PANX1: variants seen among roughly 807,000 people sequenced by gnomAD.
The protein encoded by PANX1 is pannexin-1.
A neutral mutation model predicts 38.7 loss-of-function variants in PANX1; 30 were observed. That is an observed-to-expected ratio of 0.78 (90% CI 0.58 to 1.05). The LOEUF is 1.05. Among genes scored for constraint, PANX1 ranks in the 50% least tolerant of loss-of-function variants. The pLI is 0.00. For synonymous variants in PANX1, 230 were observed against 212.2 expected (o/e 1.08, Z -0.73); for missense variants, 551 against 517.2 (o/e 1.07, Z -0.63).
intron 1 of PANX1, among the ~76,000 whole-genome samples, chr11:94,135,202 C>T (rs908757418): frequency 6.6e-6 from 1 of 152,196 alleles, no homozygotes; most frequent in Non-Finnish European, 1.5e-5. Flanking sequence ...CCCTGCCTCC[C>T]TCACCCACTG....
At chr11:94,146,658 A>G (rs1349449582) in intron 1 of PANX1, among the ~76,000 whole-genome samples, 1 of 152,238 alleles carries the variant, frequency 6.6e-6, no homozygotes, top group Non-Finnish European at 1.5e-5. Context: ...AGTTTGGAGA[A>G]ACAATCAGAC....
At chr11:94,158,610 C>G (rs959151070) in intron 2 of PANX1, among the ~76,000 whole-genome samples, 1 of 152,264 alleles carries the variant, frequency 6.6e-6, no homozygotes, top group South Asian at 2.1e-4. Context: ...TATCCTGAGA[C>G]TTTGCTGAAG....
intron 4 of PANX1, 84 bp downstream of exon 4, chr11:94,180,341 C>A: frequency 8.5e-7 from 1 of 1,180,904 alleles, no homozygotes; most frequent in Non-Finnish European, 1.2e-6. Flanking sequence ...AGTCTTTACC[C>A]TGCCCATCAT....
In PANX1 at chr11:94,181,035, T is replaced by A; in HGVS notation, c.*166T>A. 5 of 599,272 alleles carry A rather than the reference T, an allele frequency of 8.3e-6. No homozygotes were observed. In the South Asian group the frequency reaches 1.0e-4, roughly 12 times the overall value. The allele number at this position is 599,272 out of a possible 1,614,324, so 37.1% of individuals were successfully genotyped here. ...AATGGAAATGGTGATCAACAAAAGG[T>A]TATGGAAGAATGGTTTATGAACTTC... On this transcript the variant is annotated 3_prime_UTR_variant, in exon 5 of 5. Transcript: ENST00000227638.
chr11:94,139,074 T>G (rs1946732540), intron 1 of PANX1, among the ~76,000 whole-genome samples: 1 of 152,234 alleles, frequency 6.6e-6, no homozygotes, highest in Non-Finnish European at 1.5e-5. Flanking sequence ...TGATCCTTGA[T>G]GATTTCCCAA....
At chr11:94,172,687 C>T (rs1947182301) in intron 2 of PANX1, among the ~76,000 whole-genome samples, 3 of 151,720 alleles carry the variant, frequency 2.0e-5, no homozygotes, top group Admixed American at 1.3e-4. Context: ...TGGCCCTTTA[C>T]AAGAAAACCC....
Position 94,180,908 on chromosome 11 carries a change from G to A in PANX1, c.*39G>A, listed in dbSNP as rs768678919. 11 of 1,181,318 alleles carry A rather than the reference G, an allele frequency of 9.3e-6. No individual in the cohort carries two copies. The highest frequency in any genetic ancestry group is 2.3e-5 in the East Asian group (1 of 42,848). The allele number at this position is 1,181,318 out of a possible 1,614,324, so 73.2% of individuals were successfully genotyped here. A position where few individuals can be genotyped will look rare whatever the true frequency, so the allele number is the denominator to read the frequency against. ...TGAGCTGTAAATCTGTGACTTCTGC[G>A]ACATGGGATTTAATTTGGCTAAAGC... On this transcript the variant is annotated 3_prime_UTR_variant, in exon 5 of 5. Transcript: ENST00000227638.
At chr11:94,166,232 G>A (rs1428504728) in intron 2 of PANX1, among the ~76,000 whole-genome samples, 1 of 152,146 alleles carries the variant, frequency 6.6e-6, no homozygotes, top group Non-Finnish European at 1.5e-5. Context: ...ATTTGTCTGT[G>A]TACTTACTTT....
intron 2 of PANX1, among the ~76,000 whole-genome samples, chr11:94,168,714 G>A (rs1443590174): frequency 6.6e-6 from 1 of 151,680 alleles, no homozygotes; most frequent in East Asian, 1.9e-4. Context: ...GTTCTGCAGA[G>A]TAGACATGAT....
chr11:94,144,411 A>G (rs1273915101), intron 1 of PANX1, among the ~76,000 whole-genome samples: 4 of 150,370 alleles, frequency 2.7e-5, no homozygotes, highest in Admixed American at 6.6e-5. Flanking sequence ...CTTTCCTTCC[A>G]TGGGTCCAGC....
At chr11:94,166,812 C>T (rs1480698864) in intron 2 of PANX1, among the ~76,000 whole-genome samples, 2 of 152,192 alleles carry the variant, frequency 1.3e-5, no homozygotes, top group African/African-American at 2.4e-5. Context: ...TCTCCCCAAG[C>T]TGCACTGCTT....
chr11:94,179,299 G>A (rs1053468753), intron 3 of PANX1, among the ~76,000 whole-genome samples: 3 of 152,120 alleles, frequency 2.0e-5, no homozygotes, highest in African/African-American at 4.8e-5. Flanking sequence ...CCCCTTGCCT[G>A]TAAGAGGCGT....
At chr11:94,160,468 C>T (rs919052570) in intron 2 of PANX1, among the ~76,000 whole-genome samples, 1 of 152,096 alleles carries the variant, frequency 6.6e-6, no homozygotes, top group Non-Finnish European at 1.5e-5. Context: ...TGATCCCTTT[C>T]ACATTATGTA....
intron 2 of PANX1, among the ~76,000 whole-genome samples, chr11:94,172,095 G>A (rs949769579): frequency 6.6e-6 from 1 of 151,690 alleles, no homozygotes; most frequent in Non-Finnish European, 1.5e-5. Flanking sequence ...TAGAAACTTG[G>A]TTGGAGGAAT....
chr11:94,152,680 C>T (rs1418255198), intron 1 of PANX1, among the ~76,000 whole-genome samples: 1 of 152,216 alleles, frequency 6.6e-6, no homozygotes, highest in African/African-American at 2.4e-5. Context: ...CAGTTTCCCT[C>T]CATGGCCTGT....
intron 2 of PANX1, chr11:94,175,970 T>G: frequency 5.9e-6 from 5 of 846,914 alleles, no homozygotes; most frequent in Non-Finnish European, 7.1e-6. Flanking sequence ...TATGTGGGTC[T>G]GTGATAGTGA....
At chr11:94,178,326 T>TG (rs748699096) in intron 2 of PANX1, 43 bp from the exon 3 acceptor site, 6 of 1,447,964 alleles carry the variant, frequency 4.1e-6, no homozygotes, top group Middle Eastern at 1.8e-4. Flanking sequence ...GGTTACTGCA[T>TG]GGGGGGTTTG....
chr11:94,144,998 G>T (rs1946810861), intron 1 of PANX1, among the ~76,000 whole-genome samples: 1 of 152,054 alleles, frequency 6.6e-6, no homozygotes, highest in Non-Finnish European at 1.5e-5. Context: ...TGATGGAAAG[G>T]AGCTCATATG....
rs1947280441 is a variant in PANX1, at chr11:94,179,712, T to C, written c.656T>C (p.Leu219Pro). The change falls in exon 4 of 5, where the codon CTG becomes CCG. Residue 219 changes from leucine to proline, a missense_variant. Leu to Pro is a moderately conservative substitution (Grantham distance 98, BLOSUM62 -3). Coordinates refer to ENST00000227638, the MANE Select transcript of PANX1 (RefSeq NM_015368.4). ...ATCAAGTACATTAGCTGCCGCCTGCTGACACTCATCATTATACTGTTAGCG... is the reference window on the plus strand; with the variant it reads ...ATCAAGTACATTAGCTGCCGCCTGCCGACACTCATCATTATACTGTTAGCG... ...LIIKYISCRLLTLIIILLACI... is the reference protein window; with the variant it reads ...LIIKYISCRLPTLIIILLACI... The C allele has an allele frequency of 1.2e-6, 2 of 1,613,858 alleles. No individual in the cohort carries two copies. The highest frequency in any genetic ancestry group is 3.3e-5 in the Admixed American group (2 of 59,988).
Sources: allele counts gnomAD v4.1 joint callset (sites outside exome capture counted in the v4.1 genomes callset), GRCh38; gene constraint gnomAD v4.1.1; transcripts MANE v1.5; gene names NCBI Gene and HGNC (gene_info 2026-07-23, HGNC 2026-07-21).